SSTR3: variants seen among roughly 807,000 people sequenced by gnomAD.
SSTR3 encodes the protein somatostatin receptor 3.
For missense variants in SSTR3, 504 were observed against 604.7 expected (o/e 0.83, Z 1.75); for synonymous variants, 281 against 269.2 (o/e 1.04, Z -0.43).
In SSTR3 at chr22:37,207,758, C is replaced by T. The variant is rs1925939044; in HGVS notation, c.46G>A (p.Glu16Lys). 1 of 1,519,780 alleles carries T rather than the reference C, an allele frequency of 6.6e-7. No homozygotes were observed. Among genetic ancestry groups the T allele is most frequent in the Non-Finnish European group, 8.8e-7 (1 of 1,133,504 alleles). 94.1% of individuals were successfully genotyped at this position (1,519,780 alleles called of 1,614,324 possible). Residue 16 changes from glutamate (E) to lysine (K), a missense_variant, in exon 2 of 2, where the codon GAG (glutamate) becomes AAG (lysine). Coordinates refer to ENST00000610913, the MANE Select transcript of SSTR3 (RefSeq NM_001051.5). ...GGGGGCCAGGCCGAGGAGGCATTCTCAGGTTCTGAGGTCGTGGACACCGAT... is the reference window on the plus strand; with the variant it reads ...GGGGGCCAGGCCGAGGAGGCATTCTTAGGTTCTGAGGTCGTGGACACCGAT... ...PSSVSTTSEP[E>K]NASSAWPPDA...
chr22:37,208,891 G>A lies in SSTR3; in HGVS notation c.-36-1052C>T, dbSNP rs560044962. The stretch of plus-strand genomic sequence containing the variant: ...CAAATGAACCAGAGAAGCCTTCAGT[G>A]GACCAAGCCCAGTGCCAAGGGGGAA... On this transcript the variant is annotated intron_variant, in intron 1 of 1. Transcript: ENST00000610913. Among the ~76,000 whole-genome samples the A allele has an allele frequency of 2.4e-4, 37 of 152,296 alleles. 2 individuals carry two copies. In the South Asian group the frequency reaches 7.3e-3, roughly 30 times the overall value.
chr22:37,211,985 G>A lies in SSTR3; in HGVS notation c.-197C>T. On this transcript the variant is annotated 5_prime_UTR_variant, in exon 1 of 2. Transcript: ENST00000610913. ...GCTTGCGGGCTCAGGTTCCCTCCCA[G>A]GCCCTCGGCCACGGCTGTCCACAGA... is the stretch of plus-strand genomic sequence containing the variant. 1.0e-6 allele frequency: 1 copy of A among 985,718 alleles called. No individual in the cohort carries two copies. Among genetic ancestry groups the A allele is most frequent in the Non-Finnish European group, 1.2e-6 (1 of 830,222 alleles). 61.1% of individuals were successfully genotyped at this position (985,718 alleles called of 1,614,324 possible).
At chr22:37,214,364 C>T (rs969788776), upstream of SSTR3, among the ~76,000 whole-genome samples, 4 of 152,228 alleles carry the variant, frequency 2.6e-5, no homozygotes, top group Non-Finnish European at 4.4e-5. Context: ...GGAGGAAAGA[C>T]ATTACCAGAT....
rs750112919 is a variant in SSTR3 at position 37,206,925 on chromosome 22, C to A, written c.879G>T (p.Gly293=). Residue 293 remains glycine, a synonymous_variant, in exon 2 of 2, where the codon GGG becomes GGT. Transcript: ENST00000610913. ...GCAGCGCCACCACCAGGAAGTAGAGCCCAAAGAAGGCAGGCTCCTCGGGCA... is the reference window on the plus strand; with the variant it reads ...GCAGCGCCACCACCAGGAAGTAGAGACCAAAGAAGGCAGGCTCCTCGGGCA... ...CPLPEEPAFF[G]LYFLVVALPY... 67 of 1,613,426 alleles carry A rather than the reference C, an allele frequency of 4.2e-5. No individual in the cohort carries two copies. The highest frequency in any genetic ancestry group is 5.2e-5 in the Non-Finnish European group (61 of 1,180,042).
At chr22:37,214,379 A>G (rs9622574), upstream of SSTR3, among the ~76,000 whole-genome samples, 39,300 of 152,128 alleles carry the variant, frequency 0.26, 5,557 homozygotes, top group East Asian at 0.58. Context: ...CCAGATAAGG[A>G]GAGTCGAGGC....
At chr22:37,218,667 T>C in the SSTR3 span, among the ~76,000 whole-genome samples, 1 of 138,448 alleles carries the variant, frequency 7.2e-6, no homozygotes, top group Non-Finnish European at 1.6e-5. Flanking sequence ...CGAATTGACA[T>C]CTCCAAAAGC....
chr22:37,210,398 C>T, intron 1 of SSTR3: 1 of 476,266 alleles, frequency 2.1e-6, no homozygotes, highest in Non-Finnish European at 2.7e-6. Context: ...TGTACCAGGG[C>T]ATGCAGTCGC....
chr22:37,216,674 C>G (rs1926461707), upstream of SSTR3, among the ~76,000 whole-genome samples: 2 of 152,240 alleles, frequency 1.3e-5, no homozygotes, highest in Non-Finnish European at 2.9e-5. Flanking sequence ...TCCCGAGATT[C>G]TCTCTCCATT....
At chr22:37,216,175 C>A (rs1163386449), upstream of SSTR3, among the ~76,000 whole-genome samples, 1 of 151,942 alleles carries the variant, frequency 6.6e-6, no homozygotes, top group Non-Finnish European at 1.5e-5. Context: ...CAAAAAACAG[C>A]AGTCCTCCCC....
chr22:37,213,468 T>C (rs984550370), upstream of SSTR3, among the ~76,000 whole-genome samples: 2 of 152,208 alleles, frequency 1.3e-5, no homozygotes, highest in East Asian at 3.8e-4. Flanking sequence ...CCTTTGTCAC[T>C]AGGTACCTGG....
Position 37,206,998 on chromosome 22 carries a change from C to T in SSTR3, c.806G>A (p.Cys269Tyr), listed in dbSNP as rs761776296. Residue 269 changes from cysteine to tyrosine, a missense_variant, in exon 2 of 2, where the codon TGC (cysteine) becomes TAC (tyrosine). By Grantham distance (194) the Cys-to-Tyr change is radical (BLOSUM62 -2). Transcript: ENST00000610913. ...GTTGAGCACGTAGAAGGGCATCCAGCAGAGCACGAAGAGCGCCACCACGGC... is the reference window on the plus strand; with the variant it reads ...GTTGAGCACGTAGAAGGGCATCCAGTAGAGCACGAAGAGCGCCACCACGGC... ...VVAVVALFVL[C>Y]WMPFYVLNIV... is the part of the protein sequence containing the mutation. 1 of 1,612,218 alleles carries T rather than the reference C, an allele frequency of 6.2e-7. No individual in the cohort carries two copies.
upstream of SSTR3, among the ~76,000 whole-genome samples, chr22:37,217,308 A>T (rs1224597251): frequency 7.1e-6 from 1 of 141,618 alleles, no homozygotes; most frequent in Non-Finnish European, 1.6e-5. Flanking sequence ...CCATTGTGTA[A>T]CTTAAGCTAA....
In SSTR3 at chr22:37,206,779, A is replaced by G. The variant is rs2145797907; in HGVS notation, c.1025T>C (p.Val342Ala). The change falls in exon 2 of 2, where the codon GTG (valine) becomes GCG (alanine). Residue 342 changes from valine to alanine, a missense_variant. Physicochemically the swap from Val to Ala is moderately conservative, Grantham distance 64. Coordinates refer to ENST00000610913, the MANE Select transcript of SSTR3 (RefSeq NM_001051.5). ...CTCCTCAGTCTTCTCCGGGGGCCCC[A>G]CAGTGGGCTCCTGGCTGCGCACACG... The part of the protein sequence containing the change: ...SRRVRSQEPT[V>A]GPPEKTEEED... The G allele has an allele frequency of 6.2e-7, 1 of 1,610,068 alleles. No homozygotes were observed. Among genetic ancestry groups the G allele is most frequent in the African/African-American group, 1.3e-5 (1 of 74,878 alleles).
chr22:37,214,111 G>A (rs1926337199), upstream of SSTR3, among the ~76,000 whole-genome samples: 1 of 152,086 alleles, frequency 6.6e-6, no homozygotes, highest in African/African-American at 2.4e-5. Context: ...CCCCAGCACC[G>A]AGCCTTACTG....
At chr22:37,217,314 G>A (rs6000612), upstream of SSTR3, among the ~76,000 whole-genome samples, 3,715 of 133,364 alleles carry the variant, frequency 0.028, 165 homozygotes, top group African/African-American at 0.091. Flanking sequence ...TGTAACTTAA[G>A]CTAATTTTTT....
At position 37,206,455 on chromosome 22, in the gene SSTR3, C is replaced by T. The variant is rs1925744847; in HGVS notation, c.*92G>A. On this transcript the variant is annotated 3_prime_UTR_variant, in exon 2 of 2. Coordinates refer to ENST00000610913, the MANE Select transcript of SSTR3 (RefSeq NM_001051.5). ...TCAAAGTCCAGGCCCCTCAACATCC[C>T]ATCATGGGCCTGTGGCACCTTGGGA... 1.3e-6 allele frequency: 2 copies of T among 1,498,306 alleles called. No homozygotes were observed. The highest frequency in any genetic ancestry group is 1.4e-5 in the African/African-American group (1 of 71,614). The allele number at this position is 1,498,306 out of a possible 1,614,324, so 92.8% of individuals were successfully genotyped here.
chr22:37,211,051 G>C, intron 1 of SSTR3: 2 of 887,214 alleles, frequency 2.3e-6, no homozygotes, highest in Non-Finnish European at 2.7e-6. Flanking sequence ...AAGCTGCAAA[G>C]GGTCACCCAG....
At chr22:37,207,970 G>A (rs1601654540) in intron 1 of SSTR3, 131 bp from the exon 2 acceptor site, 1 of 1,339,640 alleles carries the variant, frequency 7.5e-7, no homozygotes, top group Non-Finnish European at 9.5e-7. Context: ...CAGAAGATGG[G>A]AGGTGCTTAG....
chr22:37,209,244 C>A (rs1272895736), intron 1 of SSTR3, among the ~76,000 whole-genome samples: 3 of 152,156 alleles, frequency 2.0e-5, no homozygotes, highest in Non-Finnish European at 4.4e-5. Flanking sequence ...CACCCCAAAT[C>A]CAAACAAACG....
Sources: allele counts gnomAD v4.1 joint callset (sites outside exome capture counted in the v4.1 genomes callset), GRCh38; gene constraint gnomAD v4.1.1; transcripts MANE v1.5; gene names NCBI Gene and HGNC (gene_info 2026-07-23, HGNC 2026-07-21).